Variants in RAPGEF2 observed in about 807,000 individuals in gnomAD.
RAPGEF2 encodes PDZ domain containing guanine nucleotide exchange factor (GEF) 1.
A neutral mutation model predicts 186.7 loss-of-function variants in RAPGEF2; 54 were observed. That is an observed-to-expected ratio of 0.29 (90% confidence interval 0.23 to 0.36). The LOEUF is 0.36. RAPGEF2 is among the 10% of genes least tolerant of loss of function. The probability of loss-of-function intolerance (pLI) is 1.00; values close to 1 mark genes in which losing one functional copy is unlikely to be tolerated. For synonymous variants in RAPGEF2, 712 were observed against 705.9 expected (o/e 1.01, Z -0.14); for missense variants, 1,532 against 2,045.0 (o/e 0.75, Z 4.84).
chr4:159,185,464 C>T (rs753815845), intron 1 of RAPGEF2, among the ~76,000 whole-genome samples: 8 of 152,080 alleles, frequency 5.3e-5, no homozygotes, highest in Non-Finnish European at 7.4e-5. Flanking sequence ...TATATATCTA[C>T]AATGAAATAA....
intron 7 of RAPGEF2, among the ~76,000 whole-genome samples, chr4:159,261,107 C>T (rs1756795657): frequency 6.7e-6 from 1 of 149,212 alleles, no homozygotes; most frequent in African/African-American, 2.5e-5. Context: ...GTCACCCAGG[C>T]TGGAAGTGCA....
chr4:159,332,195 T>C (rs1766771821), intron 16 of RAPGEF2, among the ~76,000 whole-genome samples, 161 bp downstream of exon 16: 1 of 152,106 alleles, frequency 6.6e-6, no homozygotes, highest in Admixed American at 6.5e-5. Context: ...TATTGATAAC[T>C]GAAATCTTTT....
intron 1 of RAPGEF2, among the ~76,000 whole-genome samples, chr4:159,167,369 C>T (rs889578926): frequency 3.3e-5 from 5 of 152,110 alleles, no homozygotes; most frequent in Non-Finnish European, 7.3e-5. Flanking sequence ...AAAAAAAAGT[C>T]AGAGTCCAGG....
intron 7 of RAPGEF2, among the ~76,000 whole-genome samples, chr4:159,291,781 CTGT>C (rs1297250249): frequency 2.2e-5 from 3 of 135,876 alleles, no homozygotes; most frequent in Non-Finnish European, 4.6e-5. Context: ...AGCTTTAGTG[CTGT>C]TGTTTTTTTT....
chr4:159,315,851 A>G (rs12509139), intron 9 of RAPGEF2, among the ~76,000 whole-genome samples: 30,567 of 152,114 alleles, frequency 0.2, 3,253 homozygotes, highest in Admixed American at 0.25. Flanking sequence ...GAACATGAAG[A>G]CGGACTAGGA....
chr4:159,291,184 A>C (rs2110957542), intron 7 of RAPGEF2, among the ~76,000 whole-genome samples: 1 of 152,342 alleles, frequency 6.6e-6, no homozygotes, highest in African/African-American at 2.4e-5. Flanking sequence ...TTGTTGCATA[A>C]AATCTAGAAG....
intron 4 of RAPGEF2, among the ~76,000 whole-genome samples, chr4:159,228,784 C>A (rs1026604265): frequency 2.0e-5 from 3 of 152,114 alleles, no homozygotes; most frequent in African/African-American, 7.2e-5. Context: ...ATAGCTGTTA[C>A]TTTTTTGCTT....
At chr4:159,190,625 G>C (rs1395431646) in intron 2 of RAPGEF2, among the ~76,000 whole-genome samples, 1 of 152,156 alleles carries the variant, frequency 6.6e-6, no homozygotes, top group East Asian at 1.9e-4. Flanking sequence ...CCGCATGGCT[G>C]GGGAGGCCTC....
chr4:159,272,993 G>C (rs1449623531), intron 7 of RAPGEF2, among the ~76,000 whole-genome samples: 2 of 152,080 alleles, frequency 1.3e-5, no homozygotes, highest in Non-Finnish European at 2.9e-5. Flanking sequence ...GTAAACATTG[G>C]GTAGAGTGTC....
At chr4:159,158,831 A>G (rs1052195843) in intron 1 of RAPGEF2, among the ~76,000 whole-genome samples, 1 of 152,202 alleles carries the variant, frequency 6.6e-6, no homozygotes, top group African/African-American at 2.4e-5. Context: ...AGAAATTATC[A>G]TTGACAACCT....
In RAPGEF2 at chr4:159,210,601, T is replaced by A; in HGVS notation, c.281+18T>A. ...AGAAGCAGGTATTGTATAGACATTC[T>A]GTAATAGATTATCCATGAAGCTTGA... is the stretch of plus-strand genomic sequence containing the variant. On this transcript the variant is annotated intron_variant, in intron 4 of 29. Transcript: ENST00000691494. 2.7e-6 allele frequency: 4 copies of A among 1,466,928 alleles called. No individual in the cohort carries two copies. The highest frequency in any genetic ancestry group is 3.7e-6 in the Non-Finnish European group (4 of 1,087,200). 90.9% of individuals were successfully genotyped at this position (1,466,928 alleles called of 1,614,324 possible).
At chr4:159,108,045 C>T (rs1389896061) in intron 1 of RAPGEF2, among the ~76,000 whole-genome samples, 1 of 152,084 alleles carries the variant, frequency 6.6e-6, no homozygotes, top group African/African-American at 2.4e-5. Context: ...AATGATTGGC[C>T]ACAAGCAGTT....
At chr4:159,285,729 A>G (rs1162107979) in intron 7 of RAPGEF2, among the ~76,000 whole-genome samples, 1 of 152,114 alleles carries the variant, frequency 6.6e-6, no homozygotes, top group Non-Finnish European at 1.5e-5. Context: ...TACTTACCCC[A>G]TGTGTTTATT....
intron 17 of RAPGEF2, 76 bp from the exon 18 acceptor site, chr4:159,338,235 G>C: frequency 7.7e-7 from 1 of 1,292,742 alleles, no homozygotes; most frequent in Non-Finnish European, 1.0e-6. Context: ...ATGGTTTTTG[G>C]TCTGTGTTTA....
intron 1 of RAPGEF2, among the ~76,000 whole-genome samples, chr4:159,152,221 G>A (rs1418992684): frequency 1.3e-5 from 2 of 152,130 alleles, no homozygotes; most frequent in Admixed American, 6.5e-5. Context: ...TTTGGAGGCT[G>A]GGGTGGGAGA....
chr4:159,122,305 C>G (rs1307398871), intron 1 of RAPGEF2, among the ~76,000 whole-genome samples: 1 of 151,712 alleles, frequency 6.6e-6, no homozygotes, highest in African/African-American at 2.4e-5. Flanking sequence ...ATGGTGAAAC[C>G]CCATCTCCAC....
intron 4 of RAPGEF2, among the ~76,000 whole-genome samples, chr4:159,220,629 T>C (rs976833474): frequency 3.9e-5 from 6 of 152,196 alleles, no homozygotes; most frequent in Non-Finnish European, 5.9e-5. Context: ...TCTGTCTGTC[T>C]GGGATATCCA....
At chr4:159,233,939 G>T (rs1379121212) in intron 4 of RAPGEF2, among the ~76,000 whole-genome samples, 1 of 134,386 alleles carries the variant, frequency 7.4e-6, no homozygotes, top group Non-Finnish European at 1.8e-5. Context: ...TTTGAAATTG[G>T]GAAGCGTGAG....
At chr4:159,266,971 T>TA (rs1384868928) in intron 7 of RAPGEF2, 6 of 257,004 alleles carry the variant, frequency 2.3e-5, no homozygotes, top group Non-Finnish European at 3.2e-5. Context: ...AAGAGCTTGT[T>TA]ACTTTATCTG....
Sources: gnomAD v4.1 joint callset for allele counts (sites outside exome capture counted in the v4.1 genomes callset) on GRCh38, gnomAD v4.1.1 for gene constraint, MANE v1.5 for transcripts, NCBI Gene and HGNC (gene_info 2026-07-23, HGNC 2026-07-21) for gene names.